ZBTB20: variants seen among roughly 807,000 people sequenced by gnomAD.
ZBTB20 encodes the protein zinc finger and BTB domain containing 20.
ZBTB20 carries 9 observed loss-of-function variants against 56.9 expected under a neutral mutation model. The observed-to-expected ratio is 0.16, with a 90% confidence interval of 0.10 to 0.28. The LOEUF (loss-of-function observed/expected upper bound fraction) is 0.28. Among genes scored for constraint, ZBTB20 ranks in the 10% least tolerant of loss-of-function variants. ZBTB20 has a pLI of 1.00. For synonymous variants in ZBTB20, 417 were observed against 420.7 expected (o/e 0.99, Z 0.11); for missense variants, 655 against 1,003.0 (o/e 0.65, Z 4.69).
rs569913166 is a variant in ZBTB20 at position 114,935,116 on chromosome 3, T to C, written c.-455-34774A>G. Among the ~76,000 whole-genome samples the C allele has an allele frequency of 2.2e-4, 34 of 152,270 alleles. No individual in the cohort carries two copies. The South Asian group carries it at 6.4e-3, about 29-fold the overall frequency. ...GTAACTTCTAAGCCCTACTACCTAG[T>C]CCTAGAATTTGTTCTTAATAGACCA... On this transcript the variant is annotated intron_variant, in intron 3 of 11. Transcript: ENST00000675478.
At chr3:114,491,902 A>G (rs1394096042) in intron 7 of ZBTB20, among the ~76,000 whole-genome samples, 1 of 152,142 alleles carries the variant, frequency 6.6e-6, no homozygotes, top group Non-Finnish European at 1.5e-5. Context: ...CACTTCAACA[A>G]AACAGCTTTT....
intron 3 of ZBTB20, 91 bp downstream of exon 3, chr3:114,974,275 G>T (rs1411122322): frequency 2.0e-5 from 3 of 151,814 alleles, no homozygotes; most frequent in African/African-American, 7.3e-5. Context: ...TAAAATAAAA[G>T]AAAAGTTGAG....
chr3:114,867,091 C>A (rs934557641), intron 4 of ZBTB20, among the ~76,000 whole-genome samples: 1 of 152,064 alleles, frequency 6.6e-6, no homozygotes, highest in South Asian at 2.1e-4. Context: ...ATGAAAAAGC[C>A]CCCTTCAGTA....
At chr3:114,979,509 T>A (rs996916934) in intron 2 of ZBTB20, among the ~76,000 whole-genome samples, 2 of 152,048 alleles carry the variant, frequency 1.3e-5, no homozygotes, top group Non-Finnish European at 2.9e-5. Context: ...TCTGGTTAAT[T>A]GTTTCAATGG....
chr3:114,944,837 AG>A (rs144949484), intron 3 of ZBTB20, among the ~76,000 whole-genome samples: 2,459 of 145,410 alleles, frequency 0.017, 546 homozygotes, highest in African/African-American at 0.065. Flanking sequence ...ATGGTGATGA[AG>A]AAAGGGGAGA....
intron 6 of ZBTB20, among the ~76,000 whole-genome samples, chr3:114,615,457 G>C (rs915472539): frequency 2.6e-5 from 4 of 152,180 alleles, no homozygotes; most frequent in Non-Finnish European, 5.9e-5. Flanking sequence ...GGGTAAGGAT[G>C]TATAGGCTGT....
At chr3:114,734,513 A>G (rs2065990699) in intron 5 of ZBTB20, among the ~76,000 whole-genome samples, 1 of 152,162 alleles carries the variant, frequency 6.6e-6, no homozygotes, top group African/African-American at 2.4e-5. Context: ...ATTTTAAGTG[A>G]AACAACATAT....
intron 6 of ZBTB20, among the ~76,000 whole-genome samples, chr3:114,609,282 AT>A (rs2057381294): frequency 6.6e-6 from 1 of 152,218 alleles, no homozygotes; most frequent in Non-Finnish European, 1.5e-5. Context: ...GGAAAATTGA[AT>A]TTTGAAGAAA....
intron 3 of ZBTB20, among the ~76,000 whole-genome samples, chr3:114,938,209 C>T (rs2107838402): frequency 6.8e-6 from 1 of 146,398 alleles, no homozygotes; most frequent in South Asian, 2.1e-4. Context: ...AAAATTTTCT[C>T]CCATTCTGTA....
At chr3:114,342,719 C>G (rs1289721613) in intron 11 of ZBTB20, among the ~76,000 whole-genome samples, 1 of 152,026 alleles carries the variant, frequency 6.6e-6, no homozygotes, top group Non-Finnish European at 1.5e-5. Context: ...CACAAAGGAA[C>G]CAAGGATAAA....
chr3:114,623,292 T>A (rs1044240087), intron 6 of ZBTB20, among the ~76,000 whole-genome samples: 1 of 152,180 alleles, frequency 6.6e-6, no homozygotes, highest in South Asian at 2.1e-4. Flanking sequence ...CAGTCTCACA[T>A]CAGACAGGAT....
intron 5 of ZBTB20, among the ~76,000 whole-genome samples, chr3:114,725,364 A>C (rs1457117877): frequency 1.3e-5 from 2 of 152,214 alleles, no homozygotes; most frequent in African/African-American, 2.4e-5. Flanking sequence ...CAAGGGTCAG[A>C]TTTGCTATCG....
intron 4 of ZBTB20, among the ~76,000 whole-genome samples, chr3:114,813,552 A>G (rs2072706721): frequency 6.6e-6 from 1 of 152,206 alleles, no homozygotes; most frequent in Non-Finnish European, 1.5e-5. Flanking sequence ...GGAGTTTGAG[A>G]CCAGCCTGGG....
At chr3:115,133,739 G>C (rs957190833) in intron 1 of ZBTB20, among the ~76,000 whole-genome samples, 2 of 152,122 alleles carry the variant, frequency 1.3e-5, no homozygotes, top group Non-Finnish European at 2.9e-5. Flanking sequence ...ATATTGTATA[G>C]ATATATCATA....
chr3:114,824,916 A>T (rs1259352818), intron 4 of ZBTB20, among the ~76,000 whole-genome samples: 2 of 151,962 alleles, frequency 1.3e-5, no homozygotes, highest in Non-Finnish European at 2.9e-5. Flanking sequence ...CTAGTAAGAG[A>T]ATAACTTTTA....
intron 4 of ZBTB20, among the ~76,000 whole-genome samples, chr3:114,832,850 T>C (rs867266032): frequency 7.2e-5 from 11 of 152,174 alleles, no homozygotes; most frequent in African/African-American, 2.7e-4. Context: ...GATTGACTTA[T>C]GGAATCAGTC....
chr3:115,105,032 C>A (rs73859715), intron 1 of ZBTB20, among the ~76,000 whole-genome samples: 14,213 of 152,118 alleles, frequency 0.093, 1,963 homozygotes, highest in African/African-American at 0.3. Context: ...AAAAAAAAGT[C>A]TATTAAACAA....
chr3:114,870,253 AG>A (rs1439107623), intron 4 of ZBTB20, among the ~76,000 whole-genome samples: 1 of 152,030 alleles, frequency 6.6e-6, no homozygotes, highest in Non-Finnish European at 1.5e-5. Context: ...TGAAAAGTAG[AG>A]GTCTTTTCTT....
At chr3:114,780,222 T>C (rs902430935) in intron 5 of ZBTB20, among the ~76,000 whole-genome samples, 7 of 152,230 alleles carry the variant, frequency 4.6e-5, no homozygotes, top group African/African-American at 1.7e-4. Context: ...TAAGATCATG[T>C]AATCCAATCC....
Sources: gnomAD v4.1 joint callset for allele counts (sites outside exome capture counted in the v4.1 genomes callset) on GRCh38, gnomAD v4.1.1 for gene constraint, MANE v1.5 for transcripts, NCBI Gene and HGNC (gene_info 2026-07-23, HGNC 2026-07-21) for gene names.